The following GRAMD1B variants were observed in gnomAD, a reference collection of about 807,000 sequenced individuals.
GRAMD1B encodes protein Aster-B.
GRAMD1B carries 37 observed loss-of-function variants against 99.7 expected under a neutral mutation model. The observed-to-expected ratio is 0.37, with a 90% CI of 0.29 to 0.49. GRAMD1B has a LOEUF of 0.49. Among genes scored for constraint, GRAMD1B ranks in the 20% least tolerant of loss-of-function variants. GRAMD1B has a pLI of 0.98. For synonymous variants in GRAMD1B, 427 were observed against 387.6 expected (o/e 1.10, Z -1.19); for missense variants, 888 against 1,009.2 (o/e 0.88, Z 1.63).
chr11:123,503,551 C>T (rs1441650662), intron 2 of GRAMD1B, among the ~76,000 whole-genome samples: 1 of 131,652 alleles, frequency 7.6e-6, no homozygotes, highest in African/African-American at 2.7e-5. Context: ...TTAAATTTCA[C>T]CTTTTTTTTT....
At chr11:123,525,934 C>T (rs552440253) in intron 2 of GRAMD1B, 2 of 584,666 alleles carry the variant, frequency 3.4e-6, no homozygotes, top group South Asian at 2.2e-5. Context: ...TGCCTCCAAG[C>T]CCAGCTTTCA....
chr11:123,543,970 C>T (rs901528065), intron 2 of GRAMD1B, among the ~76,000 whole-genome samples: 7 of 152,272 alleles, frequency 4.6e-5, no homozygotes, highest in Middle Eastern at 3.4e-3. Flanking sequence ...AAAAGTTTGC[C>T]GACCTTGCTT....
At chr11:123,526,286 G>T (rs1942733754) in intron 2 of GRAMD1B, 1 of 890,572 alleles carries the variant, frequency 1.1e-6, no homozygotes, top group Non-Finnish European at 1.8e-6. Context: ...GCATCGAGGG[G>T]TTAAGATGTG....
At chr11:123,404,476 C>A (rs1947784730) in intron 1 of GRAMD1B, among the ~76,000 whole-genome samples, 2 of 152,108 alleles carry the variant, frequency 1.3e-5, no homozygotes, top group Admixed American at 1.3e-4. Context: ...CTGAAAAGAC[C>A]ATTGAAGGTA....
At chr11:123,368,266 A>AC in intron 1 of GRAMD1B, among the ~76,000 whole-genome samples, 1 of 142,210 alleles carries the variant, frequency 7.0e-6, no homozygotes. Flanking sequence ...AACAAAAAAA[A>AC]AAAAAAAAAA....
intron 2 of GRAMD1B, among the ~76,000 whole-genome samples, chr11:123,572,352 T>C (rs1342543132): frequency 1.3e-5 from 2 of 152,200 alleles, no homozygotes; most frequent in Non-Finnish European, 2.9e-5. Flanking sequence ...TTAATAATAG[T>C]GGCAGGGTCA....
chr11:123,549,411 G>A (rs1307282312), intron 2 of GRAMD1B, among the ~76,000 whole-genome samples: 7 of 152,066 alleles, frequency 4.6e-5, no homozygotes, highest in East Asian at 1.9e-4. Flanking sequence ...CCATGGTGGC[G>A]GGTGCCTGTA....
chr11:123,570,422 T>TC (rs1947939511), intron 2 of GRAMD1B, among the ~76,000 whole-genome samples: 1 of 108,854 alleles, frequency 9.2e-6, no homozygotes, highest in Non-Finnish European at 1.8e-5. Context: ...TTTTCTTTTC[T>TC]TTTTTTTTTT....
chr11:123,580,824 C>A (rs1949272447), intron 3 of GRAMD1B, among the ~76,000 whole-genome samples: 1 of 152,168 alleles, frequency 6.6e-6, no homozygotes, highest in African/African-American at 2.4e-5. Flanking sequence ...CGCGCCTCCT[C>A]CCGCCCTGCT....
chr11:123,563,582 G>A (rs1947037111), intron 2 of GRAMD1B, among the ~76,000 whole-genome samples: 1 of 151,746 alleles, frequency 6.6e-6, no homozygotes, highest in Non-Finnish European at 1.5e-5. Context: ...CATGATGTCG[G>A]CTCACTGCAA....
chr11:123,531,733 T>TTG (rs1476194001), intron 2 of GRAMD1B, among the ~76,000 whole-genome samples: 2 of 127,096 alleles, frequency 1.6e-5, no homozygotes, highest in African/African-American at 6.6e-5. Flanking sequence ...CTAGATGGTT[T>TTG]TTTTTTTTTT....
chr11:123,490,272 T>C (rs1163146034), intron 2 of GRAMD1B, among the ~76,000 whole-genome samples: 1 of 151,486 alleles, frequency 6.6e-6, no homozygotes, highest in Non-Finnish European at 1.5e-5. Flanking sequence ...ATTAGAAGGG[T>C]GAATTGGAAG....
rs936226086 is a variant in GRAMD1B, at chr11:123,526,609, G to A, written c.452+45716G>A. Among the ~76,000 whole-genome samples, 10 of 152,190 alleles carry A rather than the reference G, an allele frequency of 6.6e-5. No homozygotes were observed. In the South Asian group the frequency reaches 2.1e-3, roughly 32 times the overall value. ...TGATTTTGAGGGAGGGTGTGCGGGG[G>A]GCCTTTCTCACGTCAGCTGCTTAGG... is the stretch of plus-strand genomic sequence containing the variant. On this transcript the variant is annotated intron_variant, in intron 2 of 19. Coordinates refer to ENST00000635736, the MANE Select transcript of GRAMD1B (RefSeq NM_001387025.1).
rs374118769 is a variant in GRAMD1B at position 123,614,803 on chromosome 11, C to G, written c.2286C>G (p.Ser762Arg). The G allele has an allele frequency of 6.2e-7, 1 of 1,610,842 alleles. No individual in the cohort carries two copies. The highest frequency in any genetic ancestry group is 8.5e-7 in the Non-Finnish European group (1 of 1,177,304). The change falls in exon 17 of 20, where the codon AGC becomes AGG. Residue 762 changes from serine to arginine, a missense_variant. Physicochemically the swap from Ser to Arg is moderately radical, Grantham distance 110 (BLOSUM62 -1). This residue lies in a region of GRAMD1B where 232 missense variants were observed against 261.7 expected (regional missense o/e 0.89). Coordinates refer to ENST00000635736, the MANE Select transcript of GRAMD1B (RefSeq NM_001387025.1). The stretch of plus-strand genomic sequence containing the variant: ...CCCCCAACGGTTTCCACCTGCAGAG[C>G]GTGTCCAAGCTGCTGCTGGTTATCA... ...EDTPNGFHLQ[S>R]VSKLLLVISC...
intron 1 of GRAMD1B, among the ~76,000 whole-genome samples, chr11:123,409,136 A>G (rs995896810): frequency 1.3e-5 from 2 of 152,224 alleles, no homozygotes; most frequent in Non-Finnish European, 2.9e-5. Context: ...TAGATTCTCA[A>G]CGCAGTTCTT....
chr11:123,610,417 G>A lies in GRAMD1B; in HGVS notation c.1919+79G>A. On this transcript the variant is annotated intron_variant, in intron 14 of 19. Coordinates refer to ENST00000635736, the MANE Select transcript of GRAMD1B (RefSeq NM_001387025.1). This position sits in a 1 kb window ranked among gnomAD's most constrained non-coding sequence, Gnocchi z 4.1. ...ACATTCATTTGCTCCTGACGGGGAA[G>A]GAGGAGGTGGGGAGTGCTTGGCTGC... The A allele has an allele frequency of 7.0e-7, 1 of 1,427,144 alleles. No homozygotes were observed. The highest frequency in any genetic ancestry group is 9.8e-7 in the Non-Finnish European group (1 of 1,017,490). The allele number at this position is 1,427,144 out of a possible 1,614,324, so 88.4% of individuals were successfully genotyped here. A position where few individuals can be genotyped will look rare whatever the true frequency, so the allele number is the denominator to read the frequency against.
chr11:123,583,743 C>T (rs764992257), intron 3 of GRAMD1B, among the ~76,000 whole-genome samples: 3 of 152,142 alleles, frequency 2.0e-5, no homozygotes, highest in Non-Finnish European at 4.4e-5. Flanking sequence ...CTTCAACCTC[C>T]TGCCCCACGC....
At chr11:123,362,562 A>G (rs1946180520) in intron 1 of GRAMD1B, among the ~76,000 whole-genome samples, 1 of 152,226 alleles carries the variant, frequency 6.6e-6, no homozygotes, top group Non-Finnish European at 1.5e-5. Context: ...ATTGATTTAT[A>G]CAAAAACACA....
chr11:123,553,172 A>G (rs1945799606), intron 2 of GRAMD1B, among the ~76,000 whole-genome samples: 1 of 152,230 alleles, frequency 6.6e-6, no homozygotes, highest in African/African-American at 2.4e-5. Context: ...GAGCACTAGT[A>G]TAGATCATTT....
Sources: gnomAD v4.1 joint callset for allele counts (sites outside exome capture counted in the v4.1 genomes callset) on GRCh38, gnomAD v4.1.1 for gene constraint, gnomAD v4.1.1 regional missense constraint, Gnocchi (gnomAD v3.1) non-coding constraint, MANE v1.5 for transcripts, NCBI Gene and HGNC (gene_info 2026-07-23, HGNC 2026-07-21) for gene names.